Variants in LAMA4 observed in about 807,000 individuals in gnomAD.
LAMA4 encodes the protein laminin subunit alpha 4, also known as laminin subunit alpha-4.
A neutral mutation model predicts 207.1 loss-of-function variants in LAMA4; 127 were observed. That is an observed-to-expected ratio of 0.61 (90% CI 0.53 to 0.71). The LOEUF is 0.71. Ranked by LOEUF, LAMA4 falls within the 30% of genes least tolerant of loss-of-function variation. LAMA4 has a pLI of 0.00. For missense variants in LAMA4, 2,093 were observed against 2,246.5 expected (o/e 0.93, Z 1.38); for synonymous variants, 761 against 816.0 (o/e 0.93, Z 1.15).
At chr6:112,163,531 G>C (rs1379360413) in intron 13 of LAMA4, among the ~76,000 whole-genome samples, 1 of 152,132 alleles carries the variant, frequency 6.6e-6, no homozygotes, top group Non-Finnish European at 1.5e-5. Flanking sequence ...GTGTTTAGAG[G>C]AGGGAGGGCT....
chr6:112,147,778 C>T (rs571191518), intron 18 of LAMA4, among the ~76,000 whole-genome samples: 3 of 152,212 alleles, frequency 2.0e-5, no homozygotes, highest in East Asian at 1.9e-4. Flanking sequence ...AGAAGCAATG[C>T]CATTTAGTAA....
At chr6:112,193,205 C>T (rs1158270160) in intron 5 of LAMA4, among the ~76,000 whole-genome samples, 3 of 151,974 alleles carry the variant, frequency 2.0e-5, no homozygotes, top group Admixed American at 2.0e-4. Context: ...AGAGAGCCAG[C>T]AAAGGGTTTT....
In LAMA4 at chr6:112,154,357, C is replaced by CAAA. The variant is rs55988988; in HGVS notation, c.2056+491_2056+493dup. ...AGTAACCTATGTAGAACACAAACTA[C>CAAA]AAAAAAAAAAAAAAAAAAGAAAAGC... On this transcript the variant is annotated intron_variant, in intron 16 of 38. Transcript: ENST00000230538. 2.3e-3 allele frequency among the ~76,000 whole-genome samples: 273 copies of CAAA among 120,242 alleles called. 3 individuals are homozygous for CAAA. Among genetic ancestry groups the CAAA allele is most frequent in the African/African-American group, 5.3e-3 (176 of 32,898 alleles). 78.9% of individuals were successfully genotyped at this position (120,242 alleles called of 152,430 possible).
chr6:112,175,285 G>A, intron 11 of LAMA4, 28 bp downstream of exon 11: 2 of 1,611,206 alleles, frequency 1.2e-6, no homozygotes, highest in South Asian at 1.1e-5. Flanking sequence ...AACATGTGCT[G>A]GGTCAGCTAT....
At chr6:112,190,938 TCTTTCTTTC>T (rs1562714644) in intron 6 of LAMA4, among the ~76,000 whole-genome samples, 984 of 59,268 alleles carry the variant, frequency 0.017, 6 homozygotes, top group Admixed American at 0.024. Flanking sequence ...TTTCTTTCTT[TCTTTCTTTC>T]CTTTCTTTCT....
At chr6:112,228,546 GA>G (rs1477750291) in intron 2 of LAMA4, among the ~76,000 whole-genome samples, 2 of 152,162 alleles carry the variant, frequency 1.3e-5, no homozygotes, top group Non-Finnish European at 2.9e-5. Flanking sequence ...CAGGTTAAGG[GA>G]GCAAGGAATG....
In LAMA4 at chr6:112,187,503, C is replaced by T. The variant is rs782325733; in HGVS notation, c.913G>A (p.Ala305Thr). ...KSGVLSVSSG[A>T]AAHRHVNEIN... ...TCATTCACGTGCCTATGAGCGGCGG[C>T]CCCAGAGGATACGCTCAGCACCCCG... is the stretch of plus-strand genomic sequence containing the variant. The change falls in exon 8 of 39, where the codon GCC becomes ACC. Residue 305 changes from alanine (A) to threonine (T), a missense_variant. Ala to Thr is a moderately conservative substitution (Grantham distance 58). Coordinates refer to ENST00000230538, the MANE Select transcript of LAMA4 (RefSeq NM_001105206.3). The T allele has an allele frequency of 3.0e-5, 48 of 1,613,928 alleles. No individual in the cohort carries two copies. Among genetic ancestry groups the T allele is most frequent in the Non-Finnish European group, 3.7e-5 (44 of 1,179,986 alleles).
intron 31 of LAMA4, among the ~76,000 whole-genome samples, chr6:112,124,411 G>A (rs73532613): frequency 0.047 from 7,104 of 152,120 alleles, 548 homozygotes; most frequent in African/African-American, 0.16. Flanking sequence ...CAATAAACTC[G>A]GGTGTCTTTA....
chr6:112,142,390 C>T, intron 19 of LAMA4, 98 bp from the exon 20 acceptor site: 1 of 1,048,780 alleles, frequency 9.5e-7, no homozygotes, highest in East Asian at 2.4e-5. Context: ...TATAAACTCT[C>T]TTCACCTCCA....
rs116018792 is a variant in LAMA4 at position 112,155,875 on chromosome 6, C to T, written c.1818-169G>A. The T allele has an allele frequency of 2.4e-3, 1,778 of 733,066 alleles. 17 individuals are homozygous for T. In the African/African-American group the frequency reaches 0.025, roughly 10 times the overall value. 45.4% of individuals were successfully genotyped at this position (733,066 alleles called of 1,614,324 possible). On this transcript the variant is annotated intron_variant, in intron 14 of 38. Transcript: ENST00000230538. ...TTGAGGGTCACACCTCCTCTGCATT[C>T]TTCTGTCTTTGCTGAACAGCATTTT...
At position 112,189,191 on chromosome 6, in the gene LAMA4, C is replaced by T. The variant is rs782368110; in HGVS notation, c.733G>A (p.Gly245Arg). Residue 245 changes from glycine (G) to arginine (R), a missense_variant, in exon 7 of 39, where the codon GGA (glycine) becomes AGA (arginine). By Grantham distance (125) the Gly-to-Arg change is moderately radical. Transcript: ENST00000230538. Reference protein sequence around the residue: ...AKNCAVCNCGGGPCDSVTGEC... With the variant: ...AKNCAVCNCGRGPCDSVTGEC... Reference sequence around the variant, plus strand: ...CCGGTTACACTGTCACATGGGCCTCCCCCGCAGTTGCACACTGTGGGAAAC... The same window carrying T: ...CCGGTTACACTGTCACATGGGCCTCTCCCGCAGTTGCACACTGTGGGAAAC... The T allele has an allele frequency of 6.2e-7, 1 of 1,613,766 alleles. No homozygotes were observed. Among genetic ancestry groups the T allele is most frequent in the Non-Finnish European group, 8.5e-7 (1 of 1,179,718 alleles).
At chr6:112,153,761 A>G (rs182885922) in intron 16 of LAMA4, among the ~76,000 whole-genome samples, 31 of 152,164 alleles carry the variant, frequency 2.0e-4, no homozygotes, top group Non-Finnish European at 4.3e-4. Flanking sequence ...TCTAATCCAT[A>G]GAGTATGTTC....
intron 4 of LAMA4, among the ~76,000 whole-genome samples, chr6:112,206,353 G>T (rs188019689): frequency 1.1e-3 from 165 of 152,130 alleles, no homozygotes; most frequent in Admixed American, 8.2e-3. Context: ...TCAGAGAGTT[G>T]GTCATTTGGA....
chr6:112,128,194 A>G (rs1554328254), intron 31 of LAMA4, among the ~76,000 whole-genome samples: 1 of 152,228 alleles, frequency 6.6e-6, no homozygotes, highest in African/African-American at 2.4e-5. Flanking sequence ...GCACAGGGAC[A>G]TTTCAACCAT....
At chr6:112,185,976 C>G (rs1259748445) in intron 8 of LAMA4, among the ~76,000 whole-genome samples, 1 of 152,166 alleles carries the variant, frequency 6.6e-6, no homozygotes, top group East Asian at 1.9e-4. Context: ...GGTGACTCCC[C>G]TGGGGGGTAG....
intron 4 of LAMA4, 95 bp from the exon 5 acceptor site, chr6:112,201,783 A>AG: frequency 1.9e-6 from 2 of 1,028,296 alleles, no homozygotes; most frequent in Non-Finnish European, 3.1e-6. Context: ...TGGTCCCATT[A>AG]AAGTTCTAAT....
chr6:112,207,847 C>T (rs1257536301), intron 3 of LAMA4, among the ~76,000 whole-genome samples: 1 of 152,170 alleles, frequency 6.6e-6, no homozygotes, highest in East Asian at 1.9e-4. Flanking sequence ...CTTGAAAGTA[C>T]ATCCTAATTC....
At chr6:112,170,908 G>A (rs184246455) in intron 12 of LAMA4, among the ~76,000 whole-genome samples, 6 of 152,246 alleles carry the variant, frequency 3.9e-5, no homozygotes, top group Admixed American at 1.3e-4. Flanking sequence ...AAGAAAAAGC[G>A]GTTTCCATTC....
chr6:112,150,572 C>G lies in LAMA4; in HGVS notation c.2112G>C (p.Arg704Ser). ...TGAGTCTGGTTTTAAGGGCACTTTT[C>G]CTTGCTAGGGCTCCACCCACACGCC... ...TSRRVGGALA[R>S]KSALKTRLSD... The change falls in exon 17 of 39, where the codon AGG becomes AGC. Residue 704 changes from arginine (R) to serine (S), a missense_variant. Physicochemically the swap from Arg to Ser is moderately radical, Grantham distance 110. This residue lies in a region of LAMA4 where 1,704 missense variants were observed against 1,788.4 expected (regional missense o/e 0.95). Coordinates refer to ENST00000230538, the MANE Select transcript of LAMA4 (RefSeq NM_001105206.3). 1 of 1,614,060 alleles carries G rather than the reference C, an allele frequency of 6.2e-7. No individual in the cohort carries two copies. The highest frequency in any genetic ancestry group is 1.1e-5 in the South Asian group (1 of 91,080).
Sources: gnomAD v4.1 joint callset for allele counts (sites outside exome capture counted in the v4.1 genomes callset) on GRCh38, gnomAD v4.1.1 for gene constraint, gnomAD v4.1.1 regional missense constraint, MANE v1.5 for transcripts, NCBI Gene and HGNC (gene_info 2026-07-23, HGNC 2026-07-21) for gene names.